Variants in SEMA5A observed in about 807,000 individuals in gnomAD.
SEMA5A encodes semaphorin-5A.
A neutral mutation model predicts 135.5 loss-of-function variants in SEMA5A; 55 were observed. The ratio of observed to expected loss-of-function variants is 0.41; its 90% CI spans 0.33 to 0.51. The LOEUF is 0.51. Ranked by LOEUF, SEMA5A falls within the 20% of genes least tolerant of loss-of-function variation. The probability of loss-of-function intolerance (pLI) is 0.37; values close to 1 mark genes in which losing one functional copy is unlikely to be tolerated. For synonymous variants in SEMA5A, 580 were observed against 546.5 expected (o/e 1.06, Z -0.85); for missense variants, 1,290 against 1,419.9 (o/e 0.91, Z 1.47).
chr5:9,535,321 C>T (rs1737700084), intron 1 of SEMA5A, among the ~76,000 whole-genome samples: 2 of 152,174 alleles, frequency 1.3e-5, no homozygotes, highest in Non-Finnish European at 1.5e-5. Flanking sequence ...CTAGGAATTC[C>T]ATCACTGCTG....
intron 15 of SEMA5A, among the ~76,000 whole-genome samples, chr5:9,117,223 G>A (rs111509106): frequency 9.2e-5 from 14 of 152,300 alleles, no homozygotes; most frequent in South Asian, 8.3e-4. Flanking sequence ...GCAAACGTAC[G>A]CATATGTTAG....
intron 4 of SEMA5A, among the ~76,000 whole-genome samples, chr5:9,326,306 C>T (rs920237203): frequency 2.0e-5 from 3 of 152,144 alleles, no homozygotes; most frequent in African/African-American, 7.2e-5. Flanking sequence ...GCTGGATGTG[C>T]AGTGGCAGCA....
rs554101067 is a variant in SEMA5A, at chr5:9,042,973, T to C, written c.3149A>G (p.Tyr1050Cys). The change falls in exon 23 of 23, where the codon TAC becomes TGC. Residue 1050 changes from tyrosine to cysteine, a missense_variant. Transcript: ENST00000382496. ...NNLILEERNK[Y>C]FNPHLTGKTY... ...CTTCCCAGTGAGATGTGGGTTGAAG[T>C]ATTTGTTTCTTTCCTCTAGGATCAA... The C allele has an allele frequency of 3.7e-6, 6 of 1,612,796 alleles. No homozygotes were observed. The highest frequency in any genetic ancestry group is 1.1e-5 in the South Asian group (1 of 91,030).
intron 1 of SEMA5A, among the ~76,000 whole-genome samples, chr5:9,494,291 CATAGAA>C (rs529521616): frequency 3.3e-5 from 5 of 152,144 alleles, no homozygotes; most frequent in Non-Finnish European, 5.9e-5. Flanking sequence ...TCAAGACAAT[CATAGAA>C]ATAGAACATC....
At chr5:9,157,101 A>T (rs1221652786) in intron 11 of SEMA5A, among the ~76,000 whole-genome samples, 1 of 152,100 alleles carries the variant, frequency 6.6e-6, no homozygotes, top group East Asian at 1.9e-4. Context: ...TGCATCCTTC[A>T]CTCCCTGGAG....
chr5:9,166,481 A>G (rs1386552011), intron 11 of SEMA5A, among the ~76,000 whole-genome samples: 1 of 152,338 alleles, frequency 6.6e-6, no homozygotes, highest in Non-Finnish European at 1.5e-5. Flanking sequence ...GACACGTTGT[A>G]TAAGAGTTTG....
At chr5:9,369,583 C>T (rs943609747) in intron 3 of SEMA5A, among the ~76,000 whole-genome samples, 1 of 152,134 alleles carries the variant, frequency 6.6e-6, no homozygotes, top group African/African-American at 2.4e-5. Flanking sequence ...TCCAGTACCA[C>T]TTGTTGAAGA....
chr5:9,271,263 GCCTCCAGGCCATGCTTCCTGTTAAGC>G (rs1384966567), intron 5 of SEMA5A, among the ~76,000 whole-genome samples: 4 of 152,106 alleles, frequency 2.6e-5, no homozygotes, highest in Non-Finnish European at 5.9e-5. Flanking sequence ...GTTTCCTGAG[GCCTCCAGGCCATGCTTCCTGTTAAGC>G]CTGTGAAACT....
At chr5:9,487,236 A>AT (rs756368763) in intron 1 of SEMA5A, among the ~76,000 whole-genome samples, 5 of 152,208 alleles carry the variant, frequency 3.3e-5, no homozygotes, top group Non-Finnish European at 7.4e-5. Flanking sequence ...GTTCACATTA[A>AT]TTATGGTCTT....
Position 9,122,752 on chromosome 5 carries a change from G to A in SEMA5A, c.1685C>T (p.Ser562Phe), listed in dbSNP as rs772336336. The change falls in exon 14 of 23, where the codon TCC becomes TTC. Residue 562 changes from serine (S) to phenylalanine (F), a missense_variant. Coordinates refer to ENST00000382496, the MANE Select transcript of SEMA5A (RefSeq NM_003966.3). ...GCAGGAGCGGGTTCGACAGAGGCAG[G>A]ATCCCACGGCGCTGCCATCTGTGTG... is the stretch of plus-strand genomic sequence containing the variant. ...CTHTDGSAVGSCLCRTRSCDS... is the reference protein window; with the variant it reads ...CTHTDGSAVGFCLCRTRSCDS... 4.3e-6 allele frequency: 7 copies of A among 1,613,676 alleles called. No homozygotes were observed. Among genetic ancestry groups the A allele is most frequent in the Non-Finnish European group, 5.9e-6 (7 of 1,179,918 alleles).
intron 1 of SEMA5A, among the ~76,000 whole-genome samples, chr5:9,459,538 T>G (rs1758977391): frequency 6.6e-6 from 1 of 152,184 alleles, no homozygotes; most frequent in Non-Finnish European, 1.5e-5. Context: ...ACAGCCCAAG[T>G]GAACCCTGAA....
chr5:9,044,401 T>C lies in SEMA5A; in HGVS notation c.3077A>G (p.Asp1026Gly), dbSNP rs771987585. Residue 1026 changes from aspartate (D) to glycine (G), a missense_variant, in exon 22 of 23, where the codon GAC becomes GGC. Physicochemically the swap from Asp to Gly is moderately conservative, Grantham distance 94. Around this residue, in one of 3 missense-constraint regions of SEMA5A, gnomAD observed 1,029 missense variants for 1,086.6 expected, o/e 0.95. Transcript: ENST00000382496. ...TSITNHINKL[D>G]KYDSVEAIKA... Reference sequence around the variant, plus strand: ...GATGGCCTCCACCGAGTCGTACTTGTCCAGTTTGTTGATGTGGTTGGTTAT... The same window carrying C: ...GATGGCCTCCACCGAGTCGTACTTGCCCAGTTTGTTGATGTGGTTGGTTAT... 1 of 1,613,692 alleles carries C rather than the reference T, an allele frequency of 6.2e-7. No individual in the cohort carries two copies. Among genetic ancestry groups the C allele is most frequent in the Non-Finnish European group, 8.5e-7 (1 of 1,179,922 alleles).
chr5:9,464,266 A>T (rs1759172139), intron 1 of SEMA5A, among the ~76,000 whole-genome samples: 2 of 152,198 alleles, frequency 1.3e-5, no homozygotes, highest in African/African-American at 2.4e-5. Flanking sequence ...GTATAGGGTA[A>T]ATCTATTTGC....
At chr5:9,472,084 G>A (rs956235176) in intron 1 of SEMA5A, among the ~76,000 whole-genome samples, 18 of 152,298 alleles carry the variant, frequency 1.2e-4, no homozygotes, top group Non-Finnish European at 2.1e-4. Flanking sequence ...CCATGTTGGT[G>A]TGCTGCACCC....
intron 5 of SEMA5A, among the ~76,000 whole-genome samples, chr5:9,242,562 C>T (rs1286379213): frequency 3.3e-5 from 5 of 152,130 alleles, no homozygotes; most frequent in Non-Finnish European, 2.9e-5. Context: ...GGGAGCTAAG[C>T]TATGAGTATG....
intron 5 of SEMA5A, among the ~76,000 whole-genome samples, chr5:9,311,210 T>A (rs577756870): frequency 1.3e-5 from 2 of 151,996 alleles, no homozygotes; most frequent in African/African-American, 4.8e-5. Context: ...ACACGCTAGA[T>A]GCCAGTCAAA....
chr5:9,273,026 G>A (rs945901799), intron 5 of SEMA5A, among the ~76,000 whole-genome samples: 1 of 152,188 alleles, frequency 6.6e-6, no homozygotes, highest in Non-Finnish European at 1.5e-5. Flanking sequence ...ATTGACAGAA[G>A]TAGGCTTCAG....
intron 3 of SEMA5A, among the ~76,000 whole-genome samples, chr5:9,366,809 T>C (rs1480106875): frequency 2.0e-5 from 3 of 152,214 alleles, no homozygotes; most frequent in African/African-American, 4.8e-5. Context: ...TCAAGAGCAA[T>C]AGAATCAATG....
intron 5 of SEMA5A, among the ~76,000 whole-genome samples, chr5:9,272,628 G>T (rs1261619292): frequency 6.6e-6 from 1 of 152,166 alleles, no homozygotes; most frequent in Non-Finnish European, 1.5e-5. Context: ...CTGGCATCTG[G>T]TGGGTGCCCC....
Sources: gnomAD v4.1 joint callset for allele counts (sites outside exome capture counted in the v4.1 genomes callset) on GRCh38, gnomAD v4.1.1 for gene constraint, gnomAD v4.1.1 regional missense constraint, MANE v1.5 for transcripts, NCBI Gene and HGNC (gene_info 2026-07-23, HGNC 2026-07-21) for gene names.